Variants in GAD2 observed in about 807,000 individuals in gnomAD.
GAD2 encodes the protein glutamate decarboxylase 2, also known as 65 kDa glutamic acid decarboxylase.
Under a neutral mutation model 80.1 loss-of-function variants are expected in GAD2, and 22 were observed. The ratio of observed to expected loss-of-function variants is 0.27; its 90% CI spans 0.20 to 0.39. The LOEUF (loss-of-function observed/expected upper bound fraction) is 0.39. GAD2 is among the 10% of genes least tolerant of loss of function. GAD2 has a pLI of 1.00. For missense variants in GAD2, 624 were observed against 738.4 expected (o/e 0.85, Z 1.80); for synonymous variants, 274 against 256.9 (o/e 1.07, Z -0.64).
chr10:26,280,066 C>T (rs1359737741), intron 11 of GAD2, among the ~76,000 whole-genome samples: 1 of 152,220 alleles, frequency 6.6e-6, no homozygotes, highest in Non-Finnish European at 1.5e-5. Flanking sequence ...CTGGCCATCA[C>T]TGGCCAAAGG....
chr10:26,260,654 G>A lies in GAD2; in HGVS notation c.921-8465G>A, dbSNP rs8190697. On this transcript the variant is annotated intron_variant, in intron 8 of 15. Transcript: ENST00000376261. ...AGAAAACAAAAAAAACTTTCCAGAC[G>A]TAGAATTTCTGAGCCCAGGACTGTG... 6.7e-3 allele frequency among the ~76,000 whole-genome samples: 1,015 copies of A among 152,034 alleles called. 15 individuals carry two copies. The highest frequency in any genetic ancestry group is 0.023 in the African/African-American group (956 of 41,490).
At chr10:26,245,390 A>T (rs114713819) in intron 7 of GAD2, among the ~76,000 whole-genome samples, 6,870 of 152,028 alleles carry the variant, frequency 0.045, 497 homozygotes, top group African/African-American at 0.15. Context: ...AAATAAAAAA[A>T]AAATAAATAA....
At chr10:26,219,535 G>A (rs1424805293) in intron 4 of GAD2, among the ~76,000 whole-genome samples, 2 of 152,090 alleles carry the variant, frequency 1.3e-5, no homozygotes, top group African/African-American at 4.8e-5. Flanking sequence ...GCATGTATTT[G>A]GACACGGAGG....
At chr10:26,247,542 C>T (rs536558106) in intron 8 of GAD2, among the ~76,000 whole-genome samples, 4 of 152,108 alleles carry the variant, frequency 2.6e-5, no homozygotes, top group Non-Finnish European at 4.4e-5. Flanking sequence ...CAAGCCTTAG[C>T]AGAGGCATGG....
At chr10:26,260,096 T>TAA (rs576512936) in intron 8 of GAD2, among the ~76,000 whole-genome samples, 1 of 152,296 alleles carries the variant, frequency 6.6e-6, no homozygotes, top group South Asian at 2.1e-4. Context: ...AAAGACACTA[T>TAA]AAGTATTTAC....
chr10:26,278,940 C>T (rs910898679), intron 11 of GAD2, among the ~76,000 whole-genome samples: 2 of 151,912 alleles, frequency 1.3e-5, no homozygotes, highest in South Asian at 2.1e-4. Context: ...CCATCACACC[C>T]GAGAGGTGGG....
At chr10:26,254,301 C>T (rs933836991) in intron 8 of GAD2, among the ~76,000 whole-genome samples, 1 of 152,192 alleles carries the variant, frequency 6.6e-6, no homozygotes, top group Non-Finnish European at 1.5e-5. Context: ...CCTCCCAAAA[C>T]ATTAGTTAGA....
In GAD2 at chr10:26,269,769, A is replaced by G. The variant is rs1337892879; in HGVS notation, c.975+596A>G. Among the ~76,000 whole-genome samples the G allele has an allele frequency of 3.3e-5, 5 of 152,200 alleles. No individual in the cohort carries two copies. The East Asian group carries it at 9.6e-4, about 29-fold the overall frequency. On this transcript the variant is annotated intron_variant, in intron 9 of 15. Transcript: ENST00000376261. ...TGGTAGATATAACCTACAGTTTCTG[A>G]TTTAATAACATACACATGCATTTTA...
chr10:26,264,646 T>G lies in GAD2; in HGVS notation c.921-4473T>G, dbSNP rs139687808. ...GCTTTTAACCATAGTCAACTGCCTC[T>G]CTGAACCTCGGTTTCCTAATCTGCA... is the stretch of plus-strand genomic sequence containing the variant. On this transcript the variant is annotated intron_variant, in intron 8 of 15. Coordinates refer to ENST00000376261, the MANE Select transcript of GAD2 (RefSeq NM_001134366.2). Among the ~76,000 whole-genome samples, 278 of 152,254 alleles carry G rather than the reference T, an allele frequency of 1.8e-3. 3 individuals are homozygous for G. Among genetic ancestry groups the G allele is most frequent in the African/African-American group, 6.6e-3 (274 of 41,550 alleles).
chr10:26,233,828 T>C (rs1844635584), intron 7 of GAD2, among the ~76,000 whole-genome samples: 2 of 152,064 alleles, frequency 1.3e-5, no homozygotes, highest in African/African-American at 2.4e-5. Flanking sequence ...GAAAGGATAA[T>C]GGAGGGGCTG....
At chr10:26,243,222 C>G (rs529583050) in intron 7 of GAD2, among the ~76,000 whole-genome samples, 1 of 152,268 alleles carries the variant, frequency 6.6e-6, no homozygotes, top group African/African-American at 2.4e-5. Flanking sequence ...TTGTCAAACT[C>G]CACAGCTCCA....
Position 26,217,719 on chromosome 10 carries a change from C to A in GAD2, c.136+50C>A, listed in dbSNP as rs369309348. On this transcript the variant is annotated intron_variant, in intron 2 of 15. Coordinates refer to ENST00000376261, the MANE Select transcript of GAD2 (RefSeq NM_001134366.2). The surrounding 1 kb of genome is among the most constrained non-coding windows in gnomAD (Gnocchi z 4.9). ...CCAAGGTCGGCCCGCGGGGTCCAAG[C>A]AGTCTTCTCACCTCCGCATCCCAGT... The A allele has an allele frequency of 2.5e-6, 4 of 1,600,934 alleles. No individual in the cohort carries two copies. The African/African-American group carries it at 5.4e-5, about 21-fold the overall frequency.
At chr10:26,277,941 C>T (rs770043152) in intron 11 of GAD2, among the ~76,000 whole-genome samples, 3 of 151,806 alleles carry the variant, frequency 2.0e-5, no homozygotes, top group East Asian at 1.9e-4. Context: ...CTGCAGAAGC[C>T]GCATGACCGA....
At chr10:26,228,072 G>A (rs1280726153) in intron 6 of GAD2, among the ~76,000 whole-genome samples, 2 of 152,236 alleles carry the variant, frequency 1.3e-5, no homozygotes, top group African/African-American at 2.4e-5. Flanking sequence ...CCACCAGGAA[G>A]GAGAGTAACT....
At chr10:26,227,992 G>C (rs1844551145) in intron 6 of GAD2, among the ~76,000 whole-genome samples, 1 of 152,188 alleles carries the variant, frequency 6.6e-6, no homozygotes, top group African/African-American at 2.4e-5. Context: ...CAGAGCCCAG[G>C]GCTCAAGAGA....
chr10:26,260,567 G>A (rs1844997554), intron 8 of GAD2, among the ~76,000 whole-genome samples: 1 of 152,184 alleles, frequency 6.6e-6, no homozygotes, highest in Non-Finnish European at 1.5e-5. Flanking sequence ...GGCGAAGGTT[G>A]CAGTGAGCCA....
chr10:26,230,324 A>C (rs1318292949), intron 7 of GAD2, among the ~76,000 whole-genome samples: 1 of 152,238 alleles, frequency 6.6e-6, no homozygotes, highest in African/African-American at 2.4e-5. Flanking sequence ...TGCTACGCCC[A>C]TGTAAGCAAA....
At chr10:26,219,502 T>C (rs569715448) in intron 4 of GAD2, among the ~76,000 whole-genome samples, 48 of 152,326 alleles carry the variant, frequency 3.2e-4, no homozygotes, top group African/African-American at 1.0e-3. Flanking sequence ...ATGATTTAAG[T>C]GTAAATCATC....
chr10:26,278,308 G>A lies in GAD2; in HGVS notation c.1158-2701G>A, dbSNP rs1051581732. ...GAATGTATAGAATGGCCATGTGTAC[G>A]TGCATGCACGGTGTCACCAAGCTCA... On this transcript the variant is annotated intron_variant, in intron 11 of 15. Coordinates refer to ENST00000376261, the MANE Select transcript of GAD2 (RefSeq NM_001134366.2). 2.6e-5 allele frequency among the ~76,000 whole-genome samples: 4 copies of A among 152,366 alleles called. No homozygotes were observed. In the South Asian group the frequency reaches 6.2e-4, roughly 24 times the overall value.
Sources: gnomAD v4.1 joint callset for allele counts (sites outside exome capture counted in the v4.1 genomes callset) on GRCh38, gnomAD v4.1.1 for gene constraint, Gnocchi (gnomAD v3.1) non-coding constraint, MANE v1.5 for transcripts, NCBI Gene and HGNC (gene_info 2026-07-23, HGNC 2026-07-21) for gene names.